Variants in FAT3 observed in about 807,000 individuals in gnomAD.
FAT3 encodes FAT atypical cadherin 3.
A neutral mutation model predicts 310.2 loss-of-function variants in FAT3; 95 were observed. The ratio of observed to expected loss-of-function variants is 0.31; its 90% CI spans 0.26 to 0.36. FAT3 has a LOEUF of 0.36. Among genes scored for constraint, FAT3 ranks in the 10% least tolerant of loss-of-function variants. The pLI, the probability that FAT3 is intolerant of heterozygous loss-of-function variation, is 1.00. For missense variants in FAT3, 5,408 were observed against 5,715.6 expected, an observed-to-expected ratio of 0.95 and a Z score of 1.74; for synonymous variants, 2,314 against 2,192.9, an observed-to-expected ratio of 1.06 and a Z score of -1.54.
At chr11:92,569,006 A>C (rs1445818085) in intron 3 of FAT3, among the ~76,000 whole-genome samples, 1 of 152,176 alleles carries the variant, frequency 6.6e-6, no homozygotes, top group African/African-American at 2.4e-5. Context: ...CTTTGGGAGG[A>C]ATTTCAGATA....
chr11:92,375,411 G>C (rs1949313734), intron 2 of FAT3, among the ~76,000 whole-genome samples: 1 of 152,166 alleles, frequency 6.6e-6, no homozygotes, highest in Non-Finnish European at 1.5e-5. Context: ...AAATAGCTGA[G>C]ATTACAAGTG....
intron 2 of FAT3, among the ~76,000 whole-genome samples, chr11:92,420,579 A>G (rs1033009180): frequency 1.3e-5 from 2 of 152,118 alleles, no homozygotes; most frequent in Admixed American, 1.3e-4. Flanking sequence ...CAGCTTTTCA[A>G]CTCCTTGATG....
chr11:92,283,401 C>T (rs1248141130), intron 1 of FAT3, among the ~76,000 whole-genome samples: 2 of 152,148 alleles, frequency 1.3e-5, no homozygotes, highest in African/African-American at 4.8e-5. Flanking sequence ...TCCAACACAT[C>T]CTGGGTGCTG....
rs1257338010 is a variant in FAT3 at position 92,837,812 on chromosome 11, A to G, written c.10368+6A>G. The G allele has an allele frequency of 6.2e-7, 1 of 1,613,928 alleles. No homozygotes were observed. Among genetic ancestry groups the G allele is most frequent in the Admixed American group, 1.7e-5 (1 of 60,016 alleles). ...ACTATACTGCTGTGATTCAGGTGAG[A>G]AAATCTTGCCTGCCAAGCACTTGTC... On this transcript the variant is annotated splice_donor_region_variant and intron_variant, in intron 17 of 27. Transcript: ENST00000525166.
chr11:92,498,369 G>A, intron 2 of FAT3: 1 of 231,650 alleles, frequency 4.3e-6, no homozygotes, highest in Non-Finnish European at 8.9e-6. Context: ...GATGCTGTCT[G>A]GAATCTATTT....
intron 2 of FAT3, among the ~76,000 whole-genome samples, chr11:92,384,356 G>C (rs1033356017): frequency 2.0e-5 from 3 of 152,164 alleles, no homozygotes; most frequent in African/African-American, 7.2e-5. Context: ...ACCCTAAAGA[G>C]AAGGGAAAAT....
chr11:92,693,818 G>A (rs1294005172), intron 3 of FAT3, among the ~76,000 whole-genome samples: 1 of 152,134 alleles, frequency 6.6e-6, no homozygotes, highest in Non-Finnish European at 1.5e-5. Flanking sequence ...ACCAGTTGTT[G>A]CTGTAACCGT....
chr11:92,659,278 C>A (rs1021637635), intron 3 of FAT3, among the ~76,000 whole-genome samples: 1 of 152,142 alleles, frequency 6.6e-6, no homozygotes, highest in Non-Finnish European at 1.5e-5. Flanking sequence ...TTCCCAAGTT[C>A]TTGTTATTTC....
intron 1 of FAT3, among the ~76,000 whole-genome samples, chr11:92,257,898 G>A (rs528314261): frequency 4.6e-5 from 7 of 152,142 alleles, no homozygotes; most frequent in African/African-American, 1.7e-4. Context: ...AGAGTTTCCT[G>A]GTCAAAAGCG....
At chr11:92,517,585 AC>A (rs779502221) in intron 2 of FAT3, among the ~76,000 whole-genome samples, 3 of 152,184 alleles carry the variant, frequency 2.0e-5, no homozygotes, top group Non-Finnish European at 4.4e-5. Flanking sequence ...TGACTAAAAC[AC>A]CAAAAACAGT....
intron 1 of FAT3, among the ~76,000 whole-genome samples, chr11:92,342,059 A>G (rs1948279764): frequency 1.3e-5 from 2 of 152,084 alleles, no homozygotes. Context: ...ATAGACAAGC[A>G]CTTACAAAAC....
intron 3 of FAT3, among the ~76,000 whole-genome samples, chr11:92,608,368 T>C (rs556163943): frequency 6.6e-6 from 1 of 152,322 alleles, no homozygotes; most frequent in South Asian, 2.1e-4. Flanking sequence ...TTCAACTCCT[T>C]ATGGAATGTT....
rs553715890 is a variant in FAT3 at position 92,517,320 on chromosome 11, T to TAA, written c.3293-7313_3293-7312dup. ...AGGGACAGAACAGAGGCCCCAGAAA[T>TAA]AACCACACATTTACAACCATCTGAT... On this transcript the variant is annotated intron_variant, in intron 2 of 27. Transcript: ENST00000525166. Among the ~76,000 whole-genome samples, 49 of 152,108 alleles carry TAA rather than the reference T, an allele frequency of 3.2e-4. No individual in the cohort carries two copies. In the East Asian group the frequency reaches 8.7e-3, roughly 27 times the overall value.
At chr11:92,841,132 G>A (rs1948539252) in intron 18 of FAT3, among the ~76,000 whole-genome samples, 1 of 152,094 alleles carries the variant, frequency 6.6e-6, no homozygotes, top group African/African-American at 2.4e-5. Context: ...TCATGCCTCT[G>A]CTTGATAGGC....
intron 19 of FAT3, among the ~76,000 whole-genome samples, chr11:92,853,510 G>C (rs538034508): frequency 6.6e-6 from 1 of 152,302 alleles, no homozygotes; most frequent in East Asian, 1.9e-4. Context: ...TTGTGTTACA[G>C]CTCTTTCAGT....
rs761353587 is a variant in FAT3, at chr11:92,352,518, G to C, written c.406G>C (p.Glu136Gln). 1.7e-5 allele frequency: 27 copies of C among 1,613,344 alleles called. No individual in the cohort carries two copies. The highest frequency in any genetic ancestry group is 2.3e-5 in the Non-Finnish European group (27 of 1,179,798). Reference sequence around the variant, plus strand: ...GATAGTAAAAGGTTCTGTCAGAGGAGAGGATTTGGAAGCATGGACCAAAGT... The same window carrying C: ...GATAGTAAAAGGTTCTGTCAGAGGACAGGATTTGGAAGCATGGACCAAAGT... Reference protein sequence around the residue: ...LLIVKGSVRGEDLEAWTKVNI... With the variant: ...LLIVKGSVRGQDLEAWTKVNI... Residue 136 changes from glutamate (E) to glutamine (Q), a missense_variant, in exon 2 of 28, where the codon GAG (glutamate) becomes CAG (glutamine). Physicochemically the swap from Glu to Gln is conservative, Grantham distance 29. This residue lies in a region of FAT3 where 152 missense variants were observed against 188.3 expected (regional missense o/e 0.81). Coordinates refer to ENST00000525166, the MANE Select transcript of FAT3 (RefSeq NM_001367949.2).
At chr11:92,787,486 A>G (rs143883299) in intron 7 of FAT3, among the ~76,000 whole-genome samples, 35 of 152,006 alleles carry the variant, frequency 2.3e-4, no homozygotes, top group Non-Finnish European at 4.6e-4. Flanking sequence ...ACAGAGAAGA[A>G]CTATTCTAAG....
intron 2 of FAT3, among the ~76,000 whole-genome samples, chr11:92,495,093 C>G (rs1457030945): frequency 1.3e-5 from 2 of 151,996 alleles, no homozygotes; most frequent in Non-Finnish European, 2.9e-5. Flanking sequence ...CCATAACCTT[C>G]TCAAGCATAT....
chr11:92,552,490 G>A (rs1455169449), intron 3 of FAT3, among the ~76,000 whole-genome samples: 1 of 152,070 alleles, frequency 6.6e-6, no homozygotes, highest in Non-Finnish European at 1.5e-5. Context: ...ATGTATGCTA[G>A]AACTTATATT....
Sources: allele counts gnomAD v4.1 joint callset (sites outside exome capture counted in the v4.1 genomes callset), GRCh38; gene constraint gnomAD v4.1.1; regional missense constraint gnomAD v4.1.1; transcripts MANE v1.5; gene names NCBI Gene and HGNC (gene_info 2026-07-23, HGNC 2026-07-21).